DLG2: variants seen among roughly 807,000 people sequenced by gnomAD.
DLG2 encodes the protein disks large homolog 2.
DLG2 carries 45 observed loss-of-function variants against 132.5 expected under a neutral mutation model. The ratio of observed to expected loss-of-function variants is 0.34; its 90% CI spans 0.27 to 0.44. The LOEUF is 0.44. DLG2 is among the 20% of genes least tolerant of loss of function. The pLI is 1.00. For missense variants in DLG2, 1,045 were observed against 1,196.9 expected, an observed-to-expected ratio of 0.87 and a Z score of 1.87; for synonymous variants, 424 against 419.6, an observed-to-expected ratio of 1.01 and a Z score of -0.13.
chr11:83,740,549 C>T (rs774706419), intron 18 of DLG2, among the ~76,000 whole-genome samples: 1 of 152,128 alleles, frequency 6.6e-6, no homozygotes, highest in African/African-American at 2.4e-5. Flanking sequence ...GTTTTCTCTC[C>T]TCATCTGAGT....
At chr11:84,501,654 A>C (rs550592856) in intron 7 of DLG2, among the ~76,000 whole-genome samples, 2 of 152,214 alleles carry the variant, frequency 1.3e-5, no homozygotes, top group Non-Finnish European at 2.9e-5. Context: ...AGAAACAGTC[A>C]GGTATATGCA....
At chr11:85,462,731 A>G (rs902452056) in intron 3 of DLG2, among the ~76,000 whole-genome samples, 1 of 152,042 alleles carries the variant, frequency 6.6e-6, no homozygotes, top group Non-Finnish European at 1.5e-5. Context: ...CAGCACACCA[A>G]CATGCCACAT....
chr11:84,357,701 C>A (rs2098624915), intron 7 of DLG2, among the ~76,000 whole-genome samples: 1 of 151,882 alleles, frequency 6.6e-6, no homozygotes, highest in Admixed American at 6.6e-5. Flanking sequence ...ACAACAAAGA[C>A]CCACTATTCT....
chr11:83,767,806 C>T (rs1029648877), intron 18 of DLG2, among the ~76,000 whole-genome samples: 7 of 151,990 alleles, frequency 4.6e-5, no homozygotes, highest in African/African-American at 7.3e-5. Context: ...TTCTATCAGC[C>T]GGAAATTATT....
At chr11:85,235,781 G>C (rs759835793) in intron 4 of DLG2, among the ~76,000 whole-genome samples, 4 of 151,742 alleles carry the variant, frequency 2.6e-5, no homozygotes, top group Non-Finnish European at 5.9e-5. Flanking sequence ...AAAGTGGTGA[G>C]GATCTAGATT....
chr11:83,636,442 A>ATTT (rs557775929), intron 18 of DLG2, among the ~76,000 whole-genome samples: 150 of 151,414 alleles, frequency 9.9e-4, no homozygotes, highest in Admixed American at 1.9e-3. Flanking sequence ...GTCCATTTTC[A>ATTT]TTTTTATGTT....
Position 84,134,290 on chromosome 11 carries a change from C to A in DLG2, c.624+29171G>T, listed in dbSNP as rs550918918. On this transcript the variant is annotated intron_variant, in intron 9 of 27. Coordinates refer to ENST00000376104, the MANE Select transcript of DLG2 (RefSeq NM_001142699.3). ...CTGAGGAGGAAGGAATAAACAGATT[C>A]ATTTTGCAATTATCATGTCACAGCA... Among the ~76,000 whole-genome samples the A allele has an allele frequency of 7.9e-5, 12 of 151,780 alleles. No individual in the cohort carries two copies. The East Asian group carries it at 2.3e-3, about 29-fold the overall frequency.
chr11:83,792,518 G>A (rs2041847486), intron 17 of DLG2, among the ~76,000 whole-genome samples: 1 of 151,994 alleles, frequency 6.6e-6, no homozygotes, highest in Non-Finnish European at 1.5e-5. Context: ...ATGGTTTCTT[G>A]TATATACTAC....
At chr11:85,101,590 A>C (rs554235462) in intron 6 of DLG2, among the ~76,000 whole-genome samples, 16 of 152,200 alleles carry the variant, frequency 1.1e-4, no homozygotes, top group African/African-American at 3.4e-4. Context: ...TGACACAGAA[A>C]CAGAAGTACT....
chr11:84,235,091 A>G (rs2097141965), intron 8 of DLG2, among the ~76,000 whole-genome samples: 1 of 152,192 alleles, frequency 6.6e-6, no homozygotes, highest in Non-Finnish European at 1.5e-5. Context: ...TATTCATTCC[A>G]GGTCTTTAGA....
chr11:85,594,083 C>A lies in DLG2; in HGVS notation c.40+4574G>T, dbSNP rs2079559789. ...CACATTATGGGGATATAAAAAGGGG[C>A]AGAAGTATATTCGATTTACCATAAG... On this transcript the variant is annotated intron_variant, in intron 3 of 27. Coordinates refer to ENST00000376104, the MANE Select transcript of DLG2 (RefSeq NM_001142699.3). Among the ~76,000 whole-genome samples the A allele has an allele frequency of 2.0e-5, 3 of 151,892 alleles. No individual in the cohort carries two copies. The South Asian group carries it at 6.2e-4, about 32-fold the overall frequency.
chr11:85,247,304 C>T (rs2076182269), intron 4 of DLG2, among the ~76,000 whole-genome samples: 1 of 151,988 alleles, frequency 6.6e-6, no homozygotes, highest in Admixed American at 6.6e-5. Flanking sequence ...ACTGCTGCTG[C>T]ATTTGCCTAC....
chr11:84,372,310 C>T (rs1339175034), intron 7 of DLG2, among the ~76,000 whole-genome samples: 4 of 151,932 alleles, frequency 2.6e-5, no homozygotes, highest in East Asian at 1.9e-4. Context: ...TATGCTGGAC[C>T]GCATATGCAG....
chr11:84,162,626 A>G (rs1009528919), intron 9 of DLG2, among the ~76,000 whole-genome samples: 2 of 152,068 alleles, frequency 1.3e-5, no homozygotes, highest in Non-Finnish European at 2.9e-5. Context: ...TGGGTCAAAG[A>G]GTGTATTCAT....
At chr11:84,295,250 T>C (rs1317844622) in intron 7 of DLG2, among the ~76,000 whole-genome samples, 3 of 152,200 alleles carry the variant, frequency 2.0e-5, no homozygotes, top group Admixed American at 6.5e-5. Context: ...GAGGATAAGA[T>C]GACCTATCTC....
At chr11:84,605,379 C>T (rs532813888) in intron 6 of DLG2, among the ~76,000 whole-genome samples, 3 of 151,996 alleles carry the variant, frequency 2.0e-5, no homozygotes, top group African/African-American at 7.2e-5. Context: ...GTTATAGTCT[C>T]ATAATTATGC....
intron 9 of DLG2, among the ~76,000 whole-genome samples, chr11:84,148,832 T>A (rs2095187081): frequency 1.3e-5 from 2 of 152,120 alleles, no homozygotes; most frequent in African/African-American, 4.8e-5. Flanking sequence ...TACATTCCCA[T>A]CCACAATGTA....
In DLG2 at chr11:84,615,818, T is replaced by TAAAAAA. The variant is rs559199428; in HGVS notation, c.358-81093_358-81088dup. On this transcript the variant is annotated intron_variant, in intron 6 of 27. Coordinates refer to ENST00000376104, the MANE Select transcript of DLG2 (RefSeq NM_001142699.3). ...AGAGAAAATTTCAGGACAAAAACGG[T>TAAAAAA]AAAAAAAAAAAAAAAAAAAAAACTT... Among the ~76,000 whole-genome samples, 39 of 67,622 alleles carry TAAAAAA rather than the reference T, an allele frequency of 5.8e-4. 1 individual carries two copies. The highest frequency in any genetic ancestry group is 1.4e-3 in the African/African-American group (22 of 16,288). The allele number at this position is 67,622 out of a possible 152,430, so 44.4% of individuals were successfully genotyped here. A position where few individuals can be genotyped will look rare whatever the true frequency, so the allele number is the denominator to read the frequency against.
chr11:83,785,711 GCAAGA>G (rs2095029476), intron 18 of DLG2, among the ~76,000 whole-genome samples: 1 of 152,198 alleles, frequency 6.6e-6, no homozygotes, highest in South Asian at 2.1e-4. Flanking sequence ...GCTGTCACAG[GCAAGA>G]CACAAACCTC....
Sources: allele counts gnomAD v4.1 joint callset (sites outside exome capture counted in the v4.1 genomes callset), GRCh38; gene constraint gnomAD v4.1.1; transcripts MANE v1.5; gene names NCBI Gene and HGNC (gene_info 2026-07-23, HGNC 2026-07-21).